TRDN: variants seen among roughly 807,000 people sequenced by gnomAD.
TRDN encodes triadin, also known as triadin in skeletal muscle.
A neutral mutation model predicts 149.7 loss-of-function variants in TRDN; 161 were observed. That is an observed-to-expected ratio of 1.08 (90% confidence interval 0.95 to 1.23). The LOEUF (loss-of-function observed/expected upper bound fraction) is 1.23, where lower values mean the gene tolerates loss of function less well. Among genes scored for constraint, TRDN ranks in the 50% most tolerant of loss-of-function variants. TRDN has a pLI of 0.00. For synonymous variants in TRDN, 294 were observed against 250.5 expected (o/e 1.17, Z -1.64); for missense variants, 896 against 823.5 (o/e 1.09, Z -1.08).
chr6:123,261,781 G>A (rs1460513621), intron 33 of TRDN, among the ~76,000 whole-genome samples: 1 of 151,682 alleles, frequency 6.6e-6, no homozygotes, highest in African/African-American at 2.4e-5. Flanking sequence ...TTTCATATTA[G>A]CATTCTAGTT....
intron 1 of TRDN, among the ~76,000 whole-genome samples, chr6:123,634,862 T>C (rs1786210982): frequency 6.6e-6 from 1 of 151,984 alleles, no homozygotes; most frequent in Admixed American, 6.6e-5. Flanking sequence ...AGATGGTATT[T>C]CTACTTTTTA....
At chr6:123,490,125 T>A (rs770591862) in intron 9 of TRDN, among the ~76,000 whole-genome samples, 3 of 152,156 alleles carry the variant, frequency 2.0e-5, no homozygotes, top group Non-Finnish European at 4.4e-5. Context: ...TGAGTCTTCA[T>A]AAGACAATGA....
chr6:123,265,716 A>T (rs1161850197), intron 32 of TRDN, among the ~76,000 whole-genome samples: 2 of 147,554 alleles, frequency 1.4e-5, no homozygotes, highest in Non-Finnish European at 1.5e-5. Context: ...ATTTATACTA[A>T]TAATATTAAT....
chr6:123,223,483 C>T (rs752648591), intron 39 of TRDN, among the ~76,000 whole-genome samples: 2 of 151,530 alleles, frequency 1.3e-5, no homozygotes, highest in Non-Finnish European at 3.0e-5. Context: ...TTATAGCAGC[C>T]CTAATGAAAA....
At chr6:123,636,504 T>C (rs926014551) in intron 1 of TRDN, among the ~76,000 whole-genome samples, 6 of 152,030 alleles carry the variant, frequency 3.9e-5, no homozygotes, top group Admixed American at 6.6e-5. Context: ...TGTTAACTAG[T>C]GGGGCCTTTG....
intron 1 of TRDN, among the ~76,000 whole-genome samples, chr6:123,574,092 G>A (rs1782706794): frequency 6.6e-6 from 1 of 151,890 alleles, no homozygotes; most frequent in Non-Finnish European, 1.5e-5. Flanking sequence ...AACAAAATTA[G>A]TTTTTTAGTT....
At chr6:123,323,407 C>G (rs1023381230) in intron 23 of TRDN, among the ~76,000 whole-genome samples, 7 of 152,150 alleles carry the variant, frequency 4.6e-5, no homozygotes, top group Admixed American at 2.6e-4. Context: ...CACACCTCCA[C>G]ACACACATGT....
chr6:123,332,049 G>A (rs902036871), intron 22 of TRDN, 120 bp from the exon 23 acceptor site: 4 of 684,672 alleles, frequency 5.8e-6, no homozygotes, highest in Non-Finnish European at 9.3e-6. Context: ...ACTTTATAAT[G>A]CACTTTAAAA....
chr6:123,243,439 A>C (rs1024986293), intron 38 of TRDN, among the ~76,000 whole-genome samples: 1 of 152,216 alleles, frequency 6.6e-6, no homozygotes, highest in Non-Finnish European at 1.5e-5. Flanking sequence ...AATGGAAAAG[A>C]AAATCACAAA....
chr6:123,227,342 A>G (rs1775414051), intron 38 of TRDN, among the ~76,000 whole-genome samples: 1 of 151,872 alleles, frequency 6.6e-6, no homozygotes, highest in Non-Finnish European at 1.5e-5. Context: ...CTATAAGGAA[A>G]ATAACGATAT....
At chr6:123,369,231 A>G (rs1781229631) in intron 19 of TRDN, among the ~76,000 whole-genome samples, 1 of 152,062 alleles carries the variant, frequency 6.6e-6, no homozygotes, top group Admixed American at 6.6e-5. Flanking sequence ...GTGTGTCCCA[A>G]ATTTCCTCTT....
At chr6:123,562,180 C>G (rs184141236) in intron 2 of TRDN, among the ~76,000 whole-genome samples, 36 of 152,264 alleles carry the variant, frequency 2.4e-4, no homozygotes, top group African/African-American at 8.2e-4. Flanking sequence ...AATAACCCCC[C>G]TTTGACTGTA....
intron 10 of TRDN, chr6:123,464,654 T>G: frequency 1.6e-6 from 2 of 1,225,124 alleles, no homozygotes; most frequent in Non-Finnish European, 2.1e-6. Context: ...TTTTTTTGCT[T>G]GATTCCCAAA....
chr6:123,337,248 A>T (rs574015489), intron 22 of TRDN, among the ~76,000 whole-genome samples: 75 of 152,162 alleles, frequency 4.9e-4, no homozygotes, highest in African/African-American at 1.7e-3. Context: ...AGTGCTTGGG[A>T]TATATTATGC....
At position 123,265,849 on chromosome 6, in the gene TRDN, T is replaced by TA. The variant is rs757267177; in HGVS notation, c.1784-512dup. Among the ~76,000 whole-genome samples the TA allele has an allele frequency of 1.2e-3, 176 of 146,556 alleles. 2 individuals carry two copies. Among genetic ancestry groups the TA allele is most frequent in the Non-Finnish European group, 6.0e-4 (40 of 66,824 alleles). On this transcript the variant is annotated intron_variant, in intron 32 of 40. Coordinates refer to ENST00000334268, the MANE Select transcript of TRDN (RefSeq NM_006073.4). ...ATCTCAAGAATGAATGGGTGGTAGG[T>TA]AAAAAAAATCGTAAAGACATTCTAT...
chr6:123,429,292 T>G (rs1774241681), intron 12 of TRDN: 1 of 152,220 alleles, frequency 6.6e-6, no homozygotes, highest in Non-Finnish European at 1.5e-5. Flanking sequence ...AATGGTTACC[T>G]TACAGAGTTG....
intron 24 of TRDN, among the ~76,000 whole-genome samples, chr6:123,308,319 C>T (rs1014032109): frequency 7.6e-5 from 11 of 144,086 alleles, no homozygotes; most frequent in African/African-American, 2.8e-4. Context: ...CTGTGATGAA[C>T]ATATGAGTGC....
intron 24 of TRDN, among the ~76,000 whole-genome samples, chr6:123,286,821 A>T (rs1777820176): frequency 6.6e-6 from 1 of 151,846 alleles, no homozygotes; most frequent in Non-Finnish European, 1.5e-5. Context: ...ATGGTCCTCA[A>T]AGTGTACTTT....
At position 123,430,761 on chromosome 6, in the gene TRDN, G is replaced by C. The variant is rs967136248; in HGVS notation, c.1051+7302C>G. Among the ~76,000 whole-genome samples, 3 of 152,032 alleles carry C rather than the reference G, an allele frequency of 2.0e-5. No homozygotes were observed. In the East Asian group the frequency reaches 5.8e-4, roughly 29 times the overall value. Reference sequence around the variant, plus strand: ...CTAAATATTTTTAACATGAACCTTCGCTCCTTCTGAGTTTCTAATATTTAT... The same window carrying C: ...CTAAATATTTTTAACATGAACCTTCCCTCCTTCTGAGTTTCTAATATTTAT... On this transcript the variant is annotated intron_variant, in intron 12 of 40. Coordinates refer to ENST00000334268, the MANE Select transcript of TRDN (RefSeq NM_006073.4).
Sources: allele counts gnomAD v4.1 joint callset (sites outside exome capture counted in the v4.1 genomes callset), GRCh38; gene constraint gnomAD v4.1.1; transcripts MANE v1.5; gene names NCBI Gene and HGNC (gene_info 2026-07-23, HGNC 2026-07-21).